The following ZNF185 variants were observed in gnomAD, a reference collection of about 807,000 sequenced individuals.
ZNF185 encodes zinc finger protein 185.
In ZNF185, 56 loss-of-function variants were observed where a neutral mutation model predicts 58.6. That is an observed-to-expected ratio of 0.95 (90% CI 0.77 to 1.19). The LOEUF (loss-of-function observed/expected upper bound fraction) is 1.19. Among genes scored for constraint, ZNF185 ranks in the 50% most tolerant of loss-of-function variants. The probability of loss-of-function intolerance (pLI) is 0.00; values close to 1 mark genes in which losing one functional copy is unlikely to be tolerated. For synonymous variants in ZNF185, 230 were observed against 215.9 expected (o/e 1.07, Z -0.57); for missense variants, 627 against 573.5 (o/e 1.09, Z -0.95).
chrX:152,900,988 G>A, the ZNF185 span, among the ~76,000 whole-genome samples: 1 of 112,422 alleles, frequency 8.9e-6, no homozygotes, highest in African/African-American at 3.2e-5. Flanking sequence ...CTCTGTCACG[G>A]AAGGTAGCTG....
intron 15 of ZNF185, chrX:152,941,921 A>C: frequency 9.6e-7 from 1 of 1,036,469 alleles, no homozygotes. Flanking sequence ...CGAGGGGCCG[A>C]ACGGGGCCCC....
the ZNF185 span, among the ~76,000 whole-genome samples, chrX:152,898,172 C>A: frequency 3.7e-5 from 4 of 109,460 alleles, no homozygotes; most frequent in Non-Finnish European, 5.8e-5. Flanking sequence ...GCCGTCCACC[C>A]GAGGGAGCCC....
Position 152,917,603 on chromosome X carries a change from TGTCCTTGTCCTGGGGTCA to T in ZNF185, c.341+247_341+264del, listed in dbSNP as rs1274916813. The stretch of plus-strand genomic sequence containing the variant: ...CTGGGAGGTCCTGGGCCACTAACAG[TGTCCTTGTCCTGGGGTCA>T]GTCCTGACTAGGCCTGGCTAATGGG... On this transcript the variant is annotated intron_variant, in intron 5 of 22. Transcript: ENST00000449285. 8.3e-4 allele frequency among the ~76,000 whole-genome samples: 93 copies of T among 111,851 alleles called. 2 individuals carry two copies. Among genetic ancestry groups the T allele is most frequent in the African/African-American group, 3.0e-3 (91 of 30,751 alleles).
At chrX:152,942,364 C>T (rs983736911) in intron 15 of ZNF185, among the ~76,000 whole-genome samples, 1 of 111,451 alleles carries the variant, frequency 9.0e-6, no homozygotes, top group Non-Finnish European at 1.9e-5. Flanking sequence ...TTACAAGCAC[C>T]GTGACCTTGG....
chrX:152,961,862 C>T (rs1213413172), intron 17 of ZNF185, among the ~76,000 whole-genome samples: 1 of 111,981 alleles, frequency 8.9e-6, no homozygotes, highest in African/African-American at 3.3e-5. Flanking sequence ...GGCAGTTTTG[C>T]AGCCAGGAAG....
chrX:152,951,484 A>C (rs1340154082), intron 16 of ZNF185, among the ~76,000 whole-genome samples: 1 of 111,734 alleles, frequency 8.9e-6, no homozygotes, highest in South Asian at 3.7e-4. Flanking sequence ...GGACAAAGCT[A>C]TTCTCTTTTT....
At chrX:152,938,148 A>G (rs782076155) in exon 15 of ZNF185, 61 of 1,182,530 alleles carry the variant, frequency 5.2e-5, no homozygotes, top group Middle Eastern at 2.3e-4. Context: ...GAGGATGCAA[A>G]GGCAGACCCA....
At chrX:152,945,201 G>A (rs1254465574) in intron 15 of ZNF185, 66 bp from the exon 18 acceptor site, 4 of 1,113,882 alleles carry the variant, frequency 3.6e-6, no homozygotes, top group South Asian at 2.1e-5. Context: ...GCCAGCTTGC[G>A]TCCTGGGGCT....
exon 23 of ZNF185, chrX:152,972,819 G>C (rs1204722833): frequency 8.9e-6 from 1 of 111,789 alleles, no homozygotes. Context: ...CACTCTGTAA[G>C]TTCCTTGAAA....
the ZNF185 span, among the ~76,000 whole-genome samples, chrX:152,906,865 C>G: frequency 9.0e-6 from 1 of 110,833 alleles, no homozygotes; most frequent in Non-Finnish European, 1.9e-5. Flanking sequence ...ACACCTGTGC[C>G]CTCTGGCTGC....
intron 16 of ZNF185, among the ~76,000 whole-genome samples, chrX:152,954,140 A>C (rs190029772): frequency 0.22 from 24,555 of 109,585 alleles, 2,244 homozygotes; most frequent in South Asian, 0.36. Context: ...AAAATAATAA[A>C]AAAAAAAAAG....
chrX:152,948,370 A>G (rs2047981601), intron 16 of ZNF185, among the ~76,000 whole-genome samples: 1 of 111,516 alleles, frequency 9.0e-6, no homozygotes, highest in African/African-American at 3.3e-5. Flanking sequence ...CAGCTACAAG[A>G]TAATGGGGAA....
chrX:152,906,732 C>T, the ZNF185 span, among the ~76,000 whole-genome samples: 1 of 111,326 alleles, frequency 9.0e-6, no homozygotes, highest in Non-Finnish European at 1.9e-5. Flanking sequence ...CTCCTGGATG[C>T]AAAGCATCCC....
rs138616945 is a variant in ZNF185, at chrX:152,942,960, A to G, written c.1212-2307A>G. Among the ~76,000 whole-genome samples the G allele has an allele frequency of 3.7e-3, 418 of 111,591 alleles. 2 individuals carry two copies. Among genetic ancestry groups the G allele is most frequent in the African/African-American group, 0.013 (405 of 30,669 alleles). On this transcript the variant is annotated intron_variant, in intron 15 of 22. Transcript: ENST00000449285. ...ATCTCTACAAATATTATCTATATCT[A>G]TATATGTATATGTATATGTATATCA...
chrX:152,898,144 G>C, the ZNF185 span, among the ~76,000 whole-genome samples: 17 of 67,536 alleles, frequency 2.5e-4, no homozygotes, highest in Non-Finnish European at 5.4e-4. Flanking sequence ...TCCCCGGCCC[G>C]GCCCGGCCCG....
chrX:152,929,127 T>C lies in ZNF185; in HGVS notation c.917+466T>C, dbSNP rs782279730. Among the ~76,000 whole-genome samples the C allele has an allele frequency of 2.7e-5, 3 of 111,825 alleles. No individual in the cohort carries two copies. The South Asian group carries it at 1.1e-3, about 42-fold the overall frequency. ...GAGCCCGTGAAGGCCACTGAGGCCATTGCCCTGCCTGTGTGAGAGGGCCAC... is the reference window on the plus strand; with the variant it reads ...GAGCCCGTGAAGGCCACTGAGGCCACTGCCCTGCCTGTGTGAGAGGGCCAC... On this transcript the variant is annotated intron_variant, in intron 12 of 22. Coordinates refer to ENST00000449285, the Ensembl canonical transcript of ZNF185.
At chrX:152,969,117 A>G (rs1556916857) in intron 20 of ZNF185, among the ~76,000 whole-genome samples, 1 of 112,341 alleles carries the variant, frequency 8.9e-6, no homozygotes, top group African/African-American at 3.2e-5. Flanking sequence ...TGGAATAAGT[A>G]TCATATCAGG....
chrX:152,959,026 C>G (rs558996655), intron 16 of ZNF185, among the ~76,000 whole-genome samples: 1 of 112,510 alleles, frequency 8.9e-6, no homozygotes, highest in African/African-American at 3.2e-5. Flanking sequence ...CGAGATCGAC[C>G]GTGGAGAGGC....
At chrX:152,957,738 G>A (rs1556906110) in intron 16 of ZNF185, among the ~76,000 whole-genome samples, 1 of 111,581 alleles carries the variant, frequency 9.0e-6, no homozygotes. Flanking sequence ...CCAAGCCCAT[G>A]TTTTATCCTA....
Sources: allele counts gnomAD v4.1 joint callset (sites outside exome capture counted in the v4.1 genomes callset), GRCh38; gene constraint gnomAD v4.1.1; transcripts MANE v1.5; gene names NCBI Gene and HGNC (gene_info 2026-07-23, HGNC 2026-07-21).